The following DAG1 variants were observed in gnomAD, a reference collection of about 807,000 sequenced individuals.
The protein encoded by DAG1 is dystroglycan 1 (dystrophin-associated glycoprotein 1).
DAG1 carries 8 observed loss-of-function variants against 46.1 expected under a neutral mutation model. That is an observed-to-expected ratio of 0.17 (90% CI 0.10 to 0.31). The LOEUF is 0.31. Among genes scored for constraint, DAG1 ranks in the 10% least tolerant of loss-of-function variants. DAG1 has a pLI of 1.00. For missense variants in DAG1, 1,003 were observed against 1,189.9 expected (o/e 0.84, Z 2.31); for synonymous variants, 495 against 481.8 (o/e 1.03, Z -0.36).
At chr3:49,502,898 A>G (rs1312265133) in intron 1 of DAG1, among the ~76,000 whole-genome samples, 1 of 152,106 alleles carries the variant, frequency 6.6e-6, no homozygotes, top group East Asian at 1.9e-4. Context: ...TGGCCTCCCA[A>G]AGTGCTGGGA....
At chr3:49,506,894 C>T (rs2050619548) in intron 1 of DAG1, among the ~76,000 whole-genome samples, 2 of 150,760 alleles carry the variant, frequency 1.3e-5, no homozygotes. Flanking sequence ...GTGGGGACTG[C>T]TTGAGCCCAG....
chr3:49,497,817 A>G (rs979516260), intron 1 of DAG1, among the ~76,000 whole-genome samples: 6 of 152,190 alleles, frequency 3.9e-5, no homozygotes, highest in South Asian at 2.1e-4. Flanking sequence ...ATTAAAAGCC[A>G]TGGTTCAGTG....
chr3:49,517,658 C>T (rs1378401915), intron 2 of DAG1, among the ~76,000 whole-genome samples: 1 of 152,188 alleles, frequency 6.6e-6, no homozygotes, highest in Admixed American at 6.5e-5. Flanking sequence ...GGAATGAAGG[C>T]TGCAGGACCA....
intron 1 of DAG1, among the ~76,000 whole-genome samples, chr3:49,472,857 C>T (rs547774779): frequency 8.5e-5 from 13 of 152,252 alleles, no homozygotes; most frequent in South Asian, 2.1e-4. Flanking sequence ...TGGTGGCTCA[C>T]GCCTGTAATC....
At chr3:49,483,822 G>A (rs1340978428) in intron 1 of DAG1, among the ~76,000 whole-genome samples, 9 of 152,090 alleles carry the variant, frequency 5.9e-5, no homozygotes, top group East Asian at 3.9e-4. Context: ...CTACTAGCAC[G>A]TGCCACTATG....
At chr3:49,510,162 A>C in intron 1 of DAG1, 1 of 465,758 alleles carries the variant, frequency 2.1e-6, no homozygotes, top group Non-Finnish European at 3.8e-6. Flanking sequence ...AATATTTTAA[A>C]AGTATTAATG....
At chr3:49,515,092 C>T (rs1029362929) in intron 2 of DAG1, among the ~76,000 whole-genome samples, 22 of 152,174 alleles carry the variant, frequency 1.4e-4, no homozygotes, top group African/African-American at 5.1e-4. Flanking sequence ...CCTTGGCCTC[C>T]CAAAGTGCTG....
chr3:49,491,065 T>C (rs776402801), intron 1 of DAG1, among the ~76,000 whole-genome samples: 2 of 151,814 alleles, frequency 1.3e-5, no homozygotes, highest in East Asian at 1.9e-4. Context: ...TTTTGTACTT[T>C]AGTAGAGACA....
chr3:49,506,971 AAAG>A (rs1429581073), intron 1 of DAG1, among the ~76,000 whole-genome samples: 57 of 151,976 alleles, frequency 3.8e-4, no homozygotes, highest in Non-Finnish European at 6.8e-4. Flanking sequence ...GAAAAAAAAA[AAAG>A]AAAAATAAGT....
rs2049480777 is a variant in DAG1, at chr3:49,470,451, C to T, written c.-117+18C>T. On this transcript the variant is annotated intron_variant, in intron 1 of 2. Transcript: ENST00000308775. ...GGCGCTGGGTGAGTGCACCGCCCGC[C>T]CTATCCGCTGTGCCTGGCTGCTTGG... 1 of 152,392 alleles carries T rather than the reference C, an allele frequency of 6.6e-6. No homozygotes were observed. The highest frequency in any genetic ancestry group is 6.5e-5 in the Admixed American group (1 of 15,280). 9.4% of individuals were successfully genotyped at this position (152,392 alleles called of 1,614,324 possible). A position where few individuals can be genotyped will look rare whatever the true frequency, so the allele number is the denominator to read the frequency against.
At chr3:49,499,006 G>A (rs1225310946) in intron 1 of DAG1, among the ~76,000 whole-genome samples, 1 of 152,090 alleles carries the variant, frequency 6.6e-6, no homozygotes, top group African/African-American at 2.4e-5. Context: ...CACTGCACCT[G>A]GCCATTCCTT....
rs865854417 is a variant in DAG1, at chr3:49,533,057, A to G, written c.2546A>G (p.Glu849Gly). ...TTPLNQDTMGEYTPLRDEDPN... is the reference protein window; with the variant it reads ...TTPLNQDTMGGYTPLRDEDPN... ...CCTCTGAACCAGGACACCATGGGAG[A>G]GTACACGCCCCTGCGGGATGAGGAT... Residue 849 changes from glutamate to glycine, a missense_variant, in exon 3 of 3, where the codon GAG (glutamate) becomes GGG (glycine). Coordinates refer to ENST00000308775, the MANE Select transcript of DAG1 (RefSeq NM_004393.6). 6.2e-7 allele frequency: 1 copy of G among 1,614,102 alleles called. No homozygotes were observed. The highest frequency in any genetic ancestry group is 8.5e-7 in the Non-Finnish European group (1 of 1,180,002).
intron 1 of DAG1, among the ~76,000 whole-genome samples, chr3:49,490,469 G>A (rs1327076671): frequency 2.6e-5 from 4 of 151,494 alleles, no homozygotes; most frequent in African/African-American, 4.9e-5. Flanking sequence ...GCATTTTGCT[G>A]TGTTTGCTCT....
At chr3:49,524,378 T>C (rs1249764821) in intron 2 of DAG1, among the ~76,000 whole-genome samples, 1 of 152,218 alleles carries the variant, frequency 6.6e-6, no homozygotes, top group Non-Finnish European at 1.5e-5. Flanking sequence ...GTAGCCCTTC[T>C]ATTAAAATGA....
At chr3:49,504,320 G>A (rs956986976) in intron 1 of DAG1, among the ~76,000 whole-genome samples, 13 of 151,532 alleles carry the variant, frequency 8.6e-5, no homozygotes, top group Non-Finnish European at 1.5e-4. Context: ...GTTGTTGAGC[G>A]TATCCATAGT....
At chr3:49,497,234 C>G (rs1487813264) in intron 1 of DAG1, among the ~76,000 whole-genome samples, 1 of 151,804 alleles carries the variant, frequency 6.6e-6, no homozygotes, top group Non-Finnish European at 1.5e-5. Flanking sequence ...ATCAGGAGTT[C>G]AAGACCAGCC....
chr3:49,478,438 TAA>T (rs57121601), intron 1 of DAG1, among the ~76,000 whole-genome samples: 1 of 119,426 alleles, frequency 8.4e-6, no homozygotes, highest in Non-Finnish European at 1.6e-5. Flanking sequence ...CTACAAAAAA[TAA>T]AAAAAAAAAA....
intron 2 of DAG1, among the ~76,000 whole-genome samples, chr3:49,511,987 T>G (rs1007889439): frequency 1.3e-5 from 2 of 152,228 alleles, no homozygotes; most frequent in Non-Finnish European, 2.9e-5. Flanking sequence ...CCATTCTGAC[T>G]TGAAACAGAT....
chr3:49,530,252 G>A (rs981703524), intron 2 of DAG1, among the ~76,000 whole-genome samples: 1 of 152,184 alleles, frequency 6.6e-6, no homozygotes, highest in South Asian at 2.1e-4. Flanking sequence ...TGTAATGTGA[G>A]TCCTTCAGAG....
Sources: allele counts gnomAD v4.1 joint callset (sites outside exome capture counted in the v4.1 genomes callset), GRCh38; gene constraint gnomAD v4.1.1; transcripts MANE v1.5; gene names NCBI Gene and HGNC (gene_info 2026-07-23, HGNC 2026-07-21).